Variants in AKAP6 observed in about 807,000 individuals in gnomAD.
AKAP6 encodes A-kinase anchor protein 6.
In AKAP6, 58 loss-of-function variants were observed where a neutral mutation model predicts 188.5. The observed-to-expected ratio is 0.31, with a 90% CI of 0.25 to 0.38. AKAP6 has a LOEUF of 0.38. Among genes scored for constraint, AKAP6 ranks in the 10% least tolerant of loss-of-function variants. The pLI, the probability that AKAP6 is intolerant of heterozygous loss-of-function variation, is 1.00. For missense variants in AKAP6, 2,710 were observed against 2,740.0 expected (o/e 0.99, Z 0.24); for synonymous variants, 989 against 998.6 (o/e 0.99, Z 0.18).
chr14:32,780,322 C>T (rs1450150844), intron 12 of AKAP6, among the ~76,000 whole-genome samples: 1 of 151,354 alleles, frequency 6.6e-6, no homozygotes, highest in Non-Finnish European at 1.5e-5. Context: ...CATGATCTCA[C>T]TTATATATGG....
intron 2 of AKAP6, among the ~76,000 whole-genome samples, chr14:32,491,888 G>A (rs551790183): frequency 3.0e-4 from 45 of 152,172 alleles, no homozygotes; most frequent in African/African-American, 9.4e-4. Context: ...ACTAAATCCC[G>A]ATTTAACTAA....
intron 1 of AKAP6, among the ~76,000 whole-genome samples, chr14:32,414,126 T>C (rs957075823): frequency 2.0e-5 from 3 of 152,010 alleles, no homozygotes; most frequent in Non-Finnish European, 4.4e-5. Context: ...AGCCTGGCCA[T>C]GAAGTGGGGA....
chr14:32,757,966 C>T (rs184214420), intron 11 of AKAP6, among the ~76,000 whole-genome samples: 1 of 152,220 alleles, frequency 6.6e-6, no homozygotes, highest in African/African-American at 2.4e-5. Flanking sequence ...GAAGAAATTC[C>T]TGTGTTGTTT....
chr14:32,613,959 C>T (rs1051433335), intron 7 of AKAP6, among the ~76,000 whole-genome samples: 3 of 152,080 alleles, frequency 2.0e-5, no homozygotes, highest in African/African-American at 7.2e-5. Context: ...TCAAATAGTG[C>T]TGCTACTAAT....
intron 1 of AKAP6, among the ~76,000 whole-genome samples, chr14:32,363,327 GAT>G (rs1887725048): frequency 6.6e-6 from 1 of 152,160 alleles, no homozygotes; most frequent in Non-Finnish European, 1.5e-5. Flanking sequence ...TCTCTAGAGG[GAT>G]AGTTCAAATA....
chr14:32,728,441 G>T (rs1314807812), intron 9 of AKAP6, among the ~76,000 whole-genome samples: 1 of 151,690 alleles, frequency 6.6e-6, no homozygotes, highest in Non-Finnish European at 1.5e-5. Flanking sequence ...AGGGGATCTT[G>T]CTGGATAAAC....
At position 32,823,613 on chromosome 14, in the gene AKAP6, A is replaced by G. The variant is rs2034592291; in HGVS notation, c.5800A>G (p.Lys1934Glu). Residue 1934 changes from lysine (K) to glutamate (E), a missense_variant, in exon 13 of 14, where the codon AAG becomes GAG. Lys to Glu is a moderately conservative substitution (Grantham distance 56). Around this residue, in one of 2 missense-constraint regions of AKAP6, gnomAD observed 2,473 missense variants for 2,426.1 expected, o/e 1.02. Coordinates refer to ENST00000280979, the MANE Select transcript of AKAP6 (RefSeq NM_004274.5). Reference sequence around the variant, plus strand: ...AGAGATTTCAGAGAGTGAGCATTGTAAGTGTAAAGCACTTATGGATAGTTT... The same window carrying G: ...AGAGATTTCAGAGAGTGAGCATTGTGAGTGTAAAGCACTTATGGATAGTTT... Reference protein sequence around the residue: ...GKEISESEHCKCKALMDSLDD... With the variant: ...GKEISESEHCECKALMDSLDD... The G allele has an allele frequency of 6.2e-7, 1 of 1,613,778 alleles. No individual in the cohort carries two copies. Among genetic ancestry groups the G allele is most frequent in the Admixed American group, 1.7e-5 (1 of 59,912 alleles).
chr14:32,404,832 A>G (rs959250002), intron 1 of AKAP6, among the ~76,000 whole-genome samples: 5 of 149,792 alleles, frequency 3.3e-5, no homozygotes, highest in African/African-American at 1.2e-4. Context: ...GGGTAGTGCA[A>G]TATTCTTAGG....
At chr14:32,482,245 A>G (rs965578733) in intron 2 of AKAP6, among the ~76,000 whole-genome samples, 2 of 152,178 alleles carry the variant, frequency 1.3e-5, no homozygotes, top group Non-Finnish European at 1.5e-5. Flanking sequence ...AGTTCTTGCA[A>G]TGGCTCTGTG....
intron 1 of AKAP6, among the ~76,000 whole-genome samples, chr14:32,349,461 G>T (rs1887188045): frequency 6.6e-6 from 1 of 152,146 alleles, no homozygotes; most frequent in Non-Finnish European, 1.5e-5. Flanking sequence ...TCTATTTCTT[G>T]GCCTTCTGTG....
chr14:32,795,319 A>G (rs2033733421), intron 12 of AKAP6, among the ~76,000 whole-genome samples: 1 of 152,210 alleles, frequency 6.6e-6, no homozygotes, highest in Non-Finnish European at 1.5e-5. Flanking sequence ...AAAACCTGGC[A>G]GAGATGCAAC....
chr14:32,510,403 T>TAC (rs1491472020), intron 2 of AKAP6, among the ~76,000 whole-genome samples: 30 of 98,328 alleles, frequency 3.1e-4, no homozygotes, highest in African/African-American at 1.1e-3. Context: ...TGTATATATA[T>TAC]GTATATATAT....
rs367724425 is a variant in AKAP6 at position 32,526,505 on chromosome 14, A to T, written c.325-9049A>T. 6.0e-4 allele frequency among the ~76,000 whole-genome samples: 91 copies of T among 152,270 alleles called. 2 individuals carry two copies. In the Middle Eastern group the frequency reaches 0.02, roughly 34 times the overall value. On this transcript the variant is annotated intron_variant, in intron 2 of 13. Coordinates refer to ENST00000280979, the MANE Select transcript of AKAP6 (RefSeq NM_004274.5). ...ACCTTAGCCCCCACAAAGTGCTGGC[A>T]TTACAGATGTGAGCCACAGTGCCTG...
At chr14:32,460,101 A>T (rs1055811366) in intron 2 of AKAP6, among the ~76,000 whole-genome samples, 6 of 152,216 alleles carry the variant, frequency 3.9e-5, no homozygotes, top group African/African-American at 1.4e-4. Flanking sequence ...AAGCCTTTAG[A>T]TCTAACTGTC....
intron 9 of AKAP6, among the ~76,000 whole-genome samples, chr14:32,707,355 G>A (rs182573194): frequency 3.6e-4 from 55 of 152,034 alleles, no homozygotes; most frequent in African/African-American, 1.3e-3. Flanking sequence ...ACAAATCTTG[G>A]CATACTGGAT....
intron 1 of AKAP6, among the ~76,000 whole-genome samples, chr14:32,333,974 G>A (rs1258983273): frequency 1.3e-5 from 2 of 152,122 alleles, no homozygotes; most frequent in Non-Finnish European, 2.9e-5. Flanking sequence ...AGTTGTACAA[G>A]GACAGGTATA....
chr14:32,637,661 G>C (rs776406515), intron 7 of AKAP6, among the ~76,000 whole-genome samples: 1 of 152,028 alleles, frequency 6.6e-6, no homozygotes, highest in Non-Finnish European at 1.5e-5. Flanking sequence ...TGATATAGAG[G>C]CAGGGATTAG....
intron 8 of AKAP6, among the ~76,000 whole-genome samples, chr14:32,694,285 C>A (rs1016448717): frequency 6.6e-6 from 1 of 151,310 alleles, no homozygotes; most frequent in Non-Finnish European, 1.5e-5. Context: ...GGTGTGAACC[C>A]GGGAGGCGGA....
chr14:32,552,548 C>T (rs1290237859), intron 4 of AKAP6, among the ~76,000 whole-genome samples: 2 of 152,016 alleles, frequency 1.3e-5, no homozygotes, highest in Non-Finnish European at 2.9e-5. Context: ...AAAAACCCAA[C>T]AACCTTTAGA....
Sources: allele counts gnomAD v4.1 joint callset (sites outside exome capture counted in the v4.1 genomes callset), GRCh38; gene constraint gnomAD v4.1.1; regional missense constraint gnomAD v4.1.1; transcripts MANE v1.5; gene names NCBI Gene and HGNC (gene_info 2026-07-23, HGNC 2026-07-21).